GALNT13: variants seen among roughly 807,000 people sequenced by gnomAD.
The protein encoded by GALNT13 is polypeptide N-acetylgalactosaminyltransferase 13.
Under a neutral mutation model 64.2 loss-of-function variants are expected in GALNT13, and 28 were observed. That is an observed-to-expected ratio of 0.44 (90% CI 0.32 to 0.60). The LOEUF (loss-of-function observed/expected upper bound fraction) is 0.60. GALNT13 is among the 20% of genes least tolerant of loss of function. The pLI is 0.05. For synonymous variants in GALNT13, 214 were observed against 224.6 expected, an observed-to-expected ratio of 0.95 and a Z score of 0.42; for missense variants, 577 against 669.8, an observed-to-expected ratio of 0.86 and a Z score of 1.53.
chr2:154,281,289 GC>G (rs1172592311), intron 8 of GALNT13, among the ~76,000 whole-genome samples: 1 of 151,992 alleles, frequency 6.6e-6, no homozygotes, highest in African/African-American at 2.4e-5. Context: ...TTTATTTCTT[GC>G]CTGTTATATT....
the GALNT13 span, among the ~76,000 whole-genome samples, chr2:153,403,373 G>T: frequency 1.0e-3 from 157 of 152,236 alleles, no homozygotes; most frequent in African/African-American, 3.6e-3. Flanking sequence ...AGTTACTGCT[G>T]TCTTTTTGTT....
At chr2:154,333,514 A>G (rs931403322) in intron 9 of GALNT13, among the ~76,000 whole-genome samples, 6 of 152,098 alleles carry the variant, frequency 3.9e-5, no homozygotes, top group African/African-American at 1.4e-4. Context: ...GATGTTTCTC[A>G]TTCGCCATTT....
chr2:153,148,980 G>A, the GALNT13 span, among the ~76,000 whole-genome samples: 2 of 151,912 alleles, frequency 1.3e-5, no homozygotes, highest in South Asian at 2.1e-4. Flanking sequence ...GGGGAAGGAA[G>A]CTTGAACACA....
intron 9 of GALNT13, among the ~76,000 whole-genome samples, chr2:154,375,896 C>G (rs1472862945): frequency 6.6e-6 from 1 of 152,132 alleles, no homozygotes; most frequent in South Asian, 2.1e-4. Flanking sequence ...TGACAGATTT[C>G]CTTTTGTGCC....
the GALNT13 span, among the ~76,000 whole-genome samples, chr2:153,086,069 A>G: frequency 0.012 from 1,807 of 152,302 alleles, 36 homozygotes; most frequent in African/African-American, 0.041. Flanking sequence ...TTGGACTTTC[A>G]TGGGGTCTGT....
chr2:153,795,750 T>G, the GALNT13 span, among the ~76,000 whole-genome samples: 2 of 152,170 alleles, frequency 1.3e-5, no homozygotes, highest in African/African-American at 4.8e-5. Flanking sequence ...TCAGTTCTGT[T>G]GACTTGTTTG....
At chr2:154,404,531 G>A (rs1213836073) in intron 10 of GALNT13, among the ~76,000 whole-genome samples, 4 of 152,158 alleles carry the variant, frequency 2.6e-5, no homozygotes. Context: ...TGGAAATGAG[G>A]TCAGGATAAC....
the GALNT13 span, among the ~76,000 whole-genome samples, chr2:153,442,990 G>A: frequency 2.0e-5 from 3 of 152,142 alleles, no homozygotes; most frequent in East Asian, 1.9e-4. Context: ...GGCTCTTTGC[G>A]GGGTGGGATC....
At chr2:154,399,014 G>A (rs1699179771) in intron 10 of GALNT13, among the ~76,000 whole-genome samples, 2 of 152,150 alleles carry the variant, frequency 1.3e-5, no homozygotes, top group African/African-American at 4.8e-5. Flanking sequence ...ATTGAAGTTA[G>A]GATAAATTAC....
chr2:153,986,141 AGTACCTCG>A (rs1239378977), intron 3 of GALNT13, among the ~76,000 whole-genome samples: 11 of 152,062 alleles, frequency 7.2e-5, no homozygotes, highest in African/African-American at 2.7e-4. Context: ...TTTTCAAATC[AGTACCTCG>A]TATTTACTTT....
At chr2:153,478,519 A>G in the GALNT13 span, 1 of 1,607,266 alleles carries the variant, frequency 6.2e-7, no homozygotes, top group Non-Finnish European at 8.5e-7. Context: ...GCTGTTGGCC[A>G]GGAACAGGCC....
the GALNT13 span, among the ~76,000 whole-genome samples, chr2:153,254,289 G>C: frequency 1.3e-5 from 2 of 151,824 alleles, no homozygotes; most frequent in Non-Finnish European, 2.9e-5. Context: ...ATGGTAGTTT[G>C]TATTTCTGTG....
At chr2:154,109,205 G>A (rs1702792620) in intron 3 of GALNT13, among the ~76,000 whole-genome samples, 1 of 152,020 alleles carries the variant, frequency 6.6e-6, no homozygotes, top group Non-Finnish European at 1.5e-5. Context: ...TGTCATCAAT[G>A]TCTTTCATCA....
the GALNT13 span, among the ~76,000 whole-genome samples, chr2:153,389,931 G>T: frequency 6.6e-6 from 1 of 151,996 alleles, no homozygotes; most frequent in African/African-American, 2.4e-5. Context: ...AAGAATAATA[G>T]TGTTTATGAC....
chr2:153,672,432 C>A, the GALNT13 span, among the ~76,000 whole-genome samples: 1 of 152,152 alleles, frequency 6.6e-6, no homozygotes, highest in African/African-American at 2.4e-5. Flanking sequence ...GGAAACTAAA[C>A]AACCTGCTCC....
the GALNT13 span, among the ~76,000 whole-genome samples, chr2:153,713,053 A>G: frequency 6.6e-6 from 1 of 152,194 alleles, no homozygotes; most frequent in African/African-American, 2.4e-5. Context: ...AAGCCAATAT[A>G]TAGGTGAGTC....
chr2:153,068,740 T>G, the GALNT13 span, among the ~76,000 whole-genome samples: 2 of 152,172 alleles, frequency 1.3e-5, no homozygotes, highest in Non-Finnish European at 2.9e-5. Flanking sequence ...CTTGATTTGC[T>G]TGTCCCTTTT....
At chr2:153,147,331 A>G in the GALNT13 span, among the ~76,000 whole-genome samples, 1 of 149,514 alleles carries the variant, frequency 6.7e-6, no homozygotes, top group Non-Finnish European at 1.5e-5. Flanking sequence ...GGCAGCCGGG[A>G]CAAAAATCTG....
chr2:153,119,256 C>T, the GALNT13 span, among the ~76,000 whole-genome samples: 31 of 152,142 alleles, frequency 2.0e-4, no homozygotes, highest in Non-Finnish European at 3.1e-4. Context: ...TAGGAAGCAT[C>T]TGAGCTCTTT....
Sources: gnomAD v4.1 joint callset for allele counts (sites outside exome capture counted in the v4.1 genomes callset) on GRCh38, gnomAD v4.1.1 for gene constraint, MANE v1.5 for transcripts, NCBI Gene and HGNC (gene_info 2026-07-23, HGNC 2026-07-21) for gene names.